Variants in DLG2 observed in about 807,000 individuals in gnomAD.
DLG2 encodes disks large homolog 2.
A neutral mutation model predicts 132.5 loss-of-function variants in DLG2; 45 were observed. That is an observed-to-expected ratio of 0.34 (90% CI 0.27 to 0.44). DLG2 has a LOEUF of 0.44. Ranked by LOEUF, DLG2 falls within the 20% of genes least tolerant of loss-of-function variation. DLG2 has a pLI of 1.00. For missense variants in DLG2, 1,045 were observed against 1,196.9 expected, an observed-to-expected ratio of 0.87 and a Z score of 1.87; for synonymous variants, 424 against 419.6, an observed-to-expected ratio of 1.01 and a Z score of -0.13.
At chr11:83,812,547 G>A (rs1381681716) in intron 17 of DLG2, among the ~76,000 whole-genome samples, 1 of 152,164 alleles carries the variant, frequency 6.6e-6, no homozygotes, top group Non-Finnish European at 1.5e-5. Context: ...TGATGTTTCT[G>A]AAATTCTTTC....
chr11:85,271,118 G>A (rs1397179650), intron 4 of DLG2, among the ~76,000 whole-genome samples: 1 of 152,178 alleles, frequency 6.6e-6, no homozygotes, highest in African/African-American at 2.4e-5. Flanking sequence ...GCCAGGCCCA[G>A]GGTCCCTCTG....
intron 17 of DLG2, among the ~76,000 whole-genome samples, chr11:83,815,865 G>A (rs1052477626): frequency 6.6e-6 from 1 of 152,104 alleles, no homozygotes; most frequent in Non-Finnish European, 1.5e-5. Context: ...GAATCCTGGA[G>A]AATACAAACA....
intron 3 of DLG2, among the ~76,000 whole-genome samples, chr11:85,394,111 C>A (rs111840553): frequency 1.3e-5 from 2 of 152,168 alleles, no homozygotes. Context: ...CAGCAGAAGA[C>A]AGGTTGTCTG....
At chr11:83,530,075 ACTCTAT>A (rs1295950870) in intron 21 of DLG2, among the ~76,000 whole-genome samples, 2 of 140,498 alleles carry the variant, frequency 1.4e-5, no homozygotes, top group Non-Finnish European at 3.1e-5. Context: ...CATATATCCA[ACTCTAT>A]CTGTCTGTCT....
intron 3 of DLG2, among the ~76,000 whole-genome samples, chr11:85,496,041 G>C (rs563204451): frequency 1.3e-5 from 2 of 152,136 alleles, no homozygotes; most frequent in Admixed American, 1.3e-4. Flanking sequence ...CATCTCATTG[G>C]GACTGGTTGG....
At chr11:83,818,188 G>C (rs1274638324) in intron 17 of DLG2, among the ~76,000 whole-genome samples, 1 of 152,104 alleles carries the variant, frequency 6.6e-6, no homozygotes, top group South Asian at 2.1e-4. Flanking sequence ...TCCTCATCCC[G>C]TTTATTCAGA....
intron 7 of DLG2, among the ~76,000 whole-genome samples, chr11:84,417,330 T>C (rs192053801): frequency 2.5e-4 from 38 of 152,334 alleles, no homozygotes; most frequent in African/African-American, 8.2e-4. Flanking sequence ...ACAGAATTAA[T>C]GTGAGGTTGA....
At chr11:84,872,462 G>T (rs2085622263) in intron 6 of DLG2, among the ~76,000 whole-genome samples, 1 of 152,168 alleles carries the variant, frequency 6.6e-6, no homozygotes, top group Non-Finnish European at 1.5e-5. Context: ...GGGTAGTTTG[G>T]GAGATAGTCA....
chr11:84,809,966 G>C (rs1455557102), intron 6 of DLG2, among the ~76,000 whole-genome samples: 3 of 151,932 alleles, frequency 2.0e-5, no homozygotes, highest in Non-Finnish European at 4.4e-5. Context: ...CACTGAAAGA[G>C]AAATAATCTT....
chr11:84,968,409 A>C (rs998318254), intron 6 of DLG2, among the ~76,000 whole-genome samples: 1 of 152,140 alleles, frequency 6.6e-6, no homozygotes, highest in Non-Finnish European at 1.5e-5. Flanking sequence ...TTGAGTGCCT[A>C]ATGAAAGCTG....
At chr11:84,280,479 G>C (rs2097842692) in intron 7 of DLG2, among the ~76,000 whole-genome samples, 1 of 151,886 alleles carries the variant, frequency 6.6e-6, no homozygotes, top group Admixed American at 6.6e-5. Context: ...ATGTTGGCTA[G>C]GCTGGTCTCA....
chr11:84,820,833 G>C (rs762276822), intron 6 of DLG2, among the ~76,000 whole-genome samples: 1 of 151,570 alleles, frequency 6.6e-6, no homozygotes, highest in Non-Finnish European at 1.5e-5. Context: ...ACTTCTCACA[G>C]TACATTGTAA....
chr11:84,050,274 C>T (rs756052286), intron 11 of DLG2, among the ~76,000 whole-genome samples: 48 of 151,058 alleles, frequency 3.2e-4, no homozygotes, highest in African/African-American at 1.0e-3. Context: ...TATTATAGTA[C>T]GCCAGATAAG....
chr11:83,770,945 C>G (rs1446288786), intron 18 of DLG2, among the ~76,000 whole-genome samples: 1 of 152,126 alleles, frequency 6.6e-6, no homozygotes, highest in South Asian at 2.1e-4. Context: ...AACGTTTTCT[C>G]TTGAATCTAT....
chr11:84,957,065 T>C (rs533371051), intron 6 of DLG2, among the ~76,000 whole-genome samples: 7 of 152,318 alleles, frequency 4.6e-5, no homozygotes, highest in Middle Eastern at 3.4e-3. Context: ...CTAAGAACTA[T>C]GAATTAACTA....
intron 3 of DLG2, among the ~76,000 whole-genome samples, chr11:85,451,599 A>G (rs932383118): frequency 1.3e-5 from 2 of 152,216 alleles, no homozygotes; most frequent in African/African-American, 2.4e-5. Context: ...AAATTTTGAC[A>G]TTTATTAAAT....
chr11:85,395,575 C>T (rs557161043), intron 3 of DLG2, among the ~76,000 whole-genome samples: 1 of 152,318 alleles, frequency 6.6e-6, no homozygotes, highest in South Asian at 2.1e-4. Flanking sequence ...TTCCCACAGT[C>T]CTAGCAACCA....
At chr11:85,221,347 G>A (rs774399196) in intron 4 of DLG2, among the ~76,000 whole-genome samples, 12 of 152,080 alleles carry the variant, frequency 7.9e-5, no homozygotes, top group South Asian at 2.1e-4. Flanking sequence ...ATGAGCCACC[G>A]CTCCCGGCCT....
intron 6 of DLG2, among the ~76,000 whole-genome samples, chr11:84,787,388 C>T (rs2073091469): frequency 6.6e-6 from 1 of 152,152 alleles, no homozygotes; most frequent in South Asian, 2.1e-4. Flanking sequence ...TGTGCCTTTG[C>T]AAATGCTGTT....
Sources: allele counts gnomAD v4.1 joint callset (sites outside exome capture counted in the v4.1 genomes callset), GRCh38; gene constraint gnomAD v4.1.1; transcripts MANE v1.5; gene names NCBI Gene and HGNC (gene_info 2026-07-23, HGNC 2026-07-21).